The following DPY19L1 variants were observed in gnomAD, a reference collection of about 807,000 sequenced individuals.
DPY19L1 encodes the protein protein C-mannosyl-transferase DPY19L1.
DPY19L1 carries 35 observed loss-of-function variants against 96.9 expected under a neutral mutation model. The ratio of observed to expected loss-of-function variants is 0.36; its 90% CI spans 0.28 to 0.48. The LOEUF (loss-of-function observed/expected upper bound fraction) is 0.48. Among genes scored for constraint, DPY19L1 ranks in the 20% least tolerant of loss-of-function variants. The pLI is 0.99. For missense variants in DPY19L1, 521 were observed against 777.9 expected (o/e 0.67, Z 3.93); for synonymous variants, 205 against 252.6 (o/e 0.81, Z 1.79).
intron 1 of DPY19L1, among the ~76,000 whole-genome samples, chr7:35,028,313 ATTTAT>A (rs1786176192): frequency 6.6e-6 from 1 of 152,212 alleles, no homozygotes. Flanking sequence ...GGACAAAACG[ATTTAT>A]TTTAAAGTGA....
intron 1 of DPY19L1, among the ~76,000 whole-genome samples, chr7:35,036,190 G>A (rs148651485): frequency 1.3e-5 from 2 of 152,168 alleles, no homozygotes; most frequent in South Asian, 2.1e-4. Flanking sequence ...AGTCACCAAG[G>A]GAATCTGAAA....
intron 1 of DPY19L1, among the ~76,000 whole-genome samples, chr7:35,032,878 A>G (rs1036597122): frequency 6.6e-6 from 1 of 151,940 alleles, no homozygotes; most frequent in Non-Finnish European, 1.5e-5. Context: ...TACAACTCAA[A>G]TTGACCAATT....
chr7:34,936,862 T>C (rs1333975713), intron 21 of DPY19L1, among the ~76,000 whole-genome samples: 1 of 152,238 alleles, frequency 6.6e-6, no homozygotes, highest in East Asian at 1.9e-4. Context: ...TATTTAACAA[T>C]GTTGTCTTAA....
intron 6 of DPY19L1, among the ~76,000 whole-genome samples, chr7:34,991,112 A>G (rs565014492): frequency 1.2e-4 from 19 of 152,356 alleles, no homozygotes; most frequent in African/African-American, 4.3e-4. Context: ...TGGAGCTTCC[A>G]TGTTCCCCAC....
intron 6 of DPY19L1, chr7:35,000,323 C>A (rs1288784160): frequency 6.6e-6 from 1 of 152,116 alleles, no homozygotes; most frequent in African/African-American, 2.4e-5. Context: ...AAAAGAAAAA[C>A]TTTCCATACT....
At chr7:34,951,957 T>C (rs1380896053) in intron 13 of DPY19L1, among the ~76,000 whole-genome samples, 8 of 149,080 alleles carry the variant, frequency 5.4e-5, no homozygotes, top group African/African-American at 9.9e-5. Flanking sequence ...CAAAAAGAAA[T>C]AGAAAACTTG....
intron 6 of DPY19L1, among the ~76,000 whole-genome samples, chr7:34,995,257 T>A (rs991214823): frequency 6.6e-6 from 1 of 152,086 alleles, no homozygotes; most frequent in Non-Finnish European, 1.5e-5. Flanking sequence ...TCAGAATACC[T>A]AAAATTTTTA....
At chr7:35,014,227 G>T (rs1337564327) in intron 3 of DPY19L1, among the ~76,000 whole-genome samples, 1 of 152,026 alleles carries the variant, frequency 6.6e-6, no homozygotes, top group African/African-American at 2.4e-5. Flanking sequence ...ATTTCACTCG[G>T]GTGCCACCTA....
At chr7:34,933,403 T>C (rs1427413687) in intron 21 of DPY19L1, among the ~76,000 whole-genome samples, 1 of 152,258 alleles carries the variant, frequency 6.6e-6, no homozygotes, top group Non-Finnish European at 1.5e-5. Flanking sequence ...TGCTGTATCT[T>C]TCTCCAATGT....
intron 14 of DPY19L1, among the ~76,000 whole-genome samples, chr7:34,948,578 T>C (rs1784202672): frequency 6.6e-6 from 1 of 152,220 alleles, no homozygotes; most frequent in Non-Finnish European, 1.5e-5. Context: ...AGTCATGCTA[T>C]GTCTCAATAA....
intron 6 of DPY19L1, among the ~76,000 whole-genome samples, 170 bp from the exon 7 acceptor site, chr7:34,990,111 G>A (rs1785135312): frequency 6.6e-6 from 1 of 152,084 alleles, no homozygotes; most frequent in Admixed American, 6.6e-5. Context: ...AAGATCATTA[G>A]TCAAAATAAT....
Position 34,992,544 on chromosome 7 carries a change from T to C in DPY19L1, c.765-2603A>G, listed in dbSNP as rs1263380345. On this transcript the variant is annotated intron_variant, in intron 6 of 21. Transcript: ENST00000638088. Reference sequence around the variant, plus strand: ...ATGTCAGGCACAAAACCTTCCTGCCTTTTTTTTTTTTTTTTTTCCAGAGAC... The same window carrying C: ...ATGTCAGGCACAAAACCTTCCTGCCCTTTTTTTTTTTTTTTTTCCAGAGAC... Among the ~76,000 whole-genome samples the C allele has an allele frequency of 3.4e-3, 123 of 36,014 alleles. 4 individuals carry two copies. The East Asian group carries it at 0.042, about 12-fold the overall frequency. The allele number at this position is 36,014 out of a possible 152,430, so 23.6% of individuals were successfully genotyped here. A position where few individuals can be genotyped will look rare whatever the true frequency, so the allele number is the denominator to read the frequency against.
rs6979905 is a variant in DPY19L1 at position 34,963,833 on chromosome 7, C to A, written c.1092+3061G>T. ...AGTAGGCTAATTGAAATAGGCCAGT[C>A]ACAAAAAGACAAATACTGTATGATT... On this transcript the variant is annotated intron_variant, in intron 10 of 21. Coordinates refer to ENST00000638088, the MANE Select transcript of DPY19L1 (RefSeq NM_001366673.1). 9.6e-3 allele frequency among the ~76,000 whole-genome samples: 1,455 copies of A among 152,114 alleles called. 19 individuals are homozygous for A. Among genetic ancestry groups the A allele is most frequent in the African/African-American group, 0.031 (1,304 of 41,488 alleles).
intron 7 of DPY19L1, among the ~76,000 whole-genome samples, chr7:34,974,860 A>G (rs1391206350): frequency 6.6e-6 from 1 of 152,156 alleles, no homozygotes; most frequent in African/African-American, 2.4e-5. Context: ...TAATTTTCAT[A>G]ATATTTCAAC....
At position 34,933,139 on chromosome 7, in the gene DPY19L1, T is replaced by TA. The variant is rs1018210452; in HGVS notation, c.2091-1411dup. 2.6e-3 allele frequency among the ~76,000 whole-genome samples: 386 copies of TA among 148,248 alleles called. 2 individuals carry two copies. Among genetic ancestry groups the TA allele is most frequent in the Non-Finnish European group, 2.8e-3 (190 of 66,730 alleles). ...CAGCATATATCCTGCTGGACCTTTT[T>TA]AAAAAAAAAAAAATTATTTCAATAG... is the stretch of plus-strand genomic sequence containing the variant. On this transcript the variant is annotated intron_variant, in intron 21 of 21. Coordinates refer to ENST00000638088, the MANE Select transcript of DPY19L1 (RefSeq NM_001366673.1).
intron 14 of DPY19L1, among the ~76,000 whole-genome samples, chr7:34,948,627 C>T (rs1784203931): frequency 6.6e-6 from 1 of 152,220 alleles, no homozygotes; most frequent in South Asian, 2.1e-4. Context: ...TTAATACTCT[C>T]AGACTGTAGC....
In DPY19L1 at chr7:35,010,454, T is replaced by G; in HGVS notation, c.764+14A>C. The G allele has an allele frequency of 6.9e-7, 1 of 1,441,318 alleles. No homozygotes were observed. Among genetic ancestry groups the G allele is most frequent in the East Asian group, 2.3e-5 (1 of 43,868 alleles). The allele number at this position is 1,441,318 out of a possible 1,614,324, so 89.3% of individuals were successfully genotyped here. On this transcript the variant is annotated intron_variant, in intron 6 of 21. Transcript: ENST00000638088. ...TTTAGTATATCTTATAAACACATAC[T>G]AAAATATTCTTACCTTAAATATGTG...
chr7:35,006,062 G>C (rs1785548410), intron 6 of DPY19L1, among the ~76,000 whole-genome samples: 1 of 152,048 alleles, frequency 6.6e-6, no homozygotes, highest in African/African-American at 2.4e-5. Context: ...TTTTATTTCA[G>C]CTAGTCAGAG....
intron 6 of DPY19L1, among the ~76,000 whole-genome samples, chr7:35,002,788 A>T (rs1785459230): frequency 6.6e-6 from 1 of 152,236 alleles, no homozygotes; most frequent in African/African-American, 2.4e-5. Context: ...TCTTCTTTTG[A>T]GACGGAGTCT....
Sources: allele counts gnomAD v4.1 joint callset (sites outside exome capture counted in the v4.1 genomes callset), GRCh38; gene constraint gnomAD v4.1.1; transcripts MANE v1.5; gene names NCBI Gene and HGNC (gene_info 2026-07-23, HGNC 2026-07-21).